Variants in WWOX observed in about 807,000 individuals in gnomAD.
WWOX encodes the protein WW domain-containing oxidoreductase.
In WWOX, 69 loss-of-function variants were observed where a neutral mutation model predicts 46.2. The ratio of observed to expected loss-of-function variants is 1.49; its 90% CI spans 1.23 to 1.82. WWOX has a LOEUF of 1.82. Ranked by LOEUF, WWOX falls within the 40% of genes most tolerant of loss-of-function variation. The pLI is 0.00. For synonymous variants in WWOX, 359 were observed against 202.6 expected (o/e 1.77, Z -6.56); for missense variants, 919 against 542.6 (o/e 1.69, Z -6.89).
chr16:78,655,997 C>G (rs943936253), intron 8 of WWOX, among the ~76,000 whole-genome samples: 2 of 152,132 alleles, frequency 1.3e-5, no homozygotes, highest in African/African-American at 2.4e-5. Context: ...AAAAGAGAAA[C>G]ACAACATTGA....
chr16:78,979,916 C>T (rs959836160), intron 8 of WWOX, among the ~76,000 whole-genome samples: 2 of 152,106 alleles, frequency 1.3e-5, no homozygotes, highest in African/African-American at 2.4e-5. Flanking sequence ...ATCACAAGGT[C>T]AGGAGATTGA....
chr16:78,408,865 C>T (rs370444399), intron 6 of WWOX, among the ~76,000 whole-genome samples: 39 of 152,074 alleles, frequency 2.6e-4, no homozygotes, highest in African/African-American at 7.7e-4. Context: ...TCTCAGTGGA[C>T]CACTCAAGGA....
intron 8 of WWOX, among the ~76,000 whole-genome samples, chr16:78,577,887 C>G (rs1327549492): frequency 6.6e-6 from 1 of 152,084 alleles, no homozygotes; most frequent in Non-Finnish European, 1.5e-5. Context: ...TTCCGTTTGA[C>G]AGAATATATT....
At chr16:79,162,498 A>G (rs115899406) in intron 8 of WWOX, among the ~76,000 whole-genome samples, 3,045 of 152,262 alleles carry the variant, frequency 0.02, 109 homozygotes, top group African/African-American at 0.07. Context: ...AGTAGGCAAC[A>G]TTGATGGTAA....
chr16:78,101,193 G>T (rs1294718217), intron 1 of WWOX, among the ~76,000 whole-genome samples: 2 of 151,114 alleles, frequency 1.3e-5, no homozygotes, highest in African/African-American at 4.9e-5. Flanking sequence ...GACTACAGGC[G>T]CCCGCCACCA....
intron 8 of WWOX, among the ~76,000 whole-genome samples, chr16:78,754,927 G>A (rs748098817): frequency 1.8e-4 from 28 of 152,044 alleles, no homozygotes; most frequent in Admixed American, 3.9e-4. Context: ...GCTGTCCCCA[G>A]GGAAGAGAAT....
chr16:78,801,083 T>C (rs192775171), intron 8 of WWOX, among the ~76,000 whole-genome samples: 1 of 151,874 alleles, frequency 6.6e-6, no homozygotes, highest in East Asian at 1.9e-4. Context: ...AGACAGAGTC[T>C]CACTCTGTTG....
intron 8 of WWOX, among the ~76,000 whole-genome samples, chr16:78,642,093 C>T (rs1269910645): frequency 2.0e-5 from 3 of 152,168 alleles, no homozygotes. Context: ...GTGTAGGAGA[C>T]TGTCTGTCCC....
intron 5 of WWOX, among the ~76,000 whole-genome samples, chr16:78,186,663 G>A (rs924031939): frequency 1.1e-4 from 17 of 152,194 alleles, no homozygotes; most frequent in Non-Finnish European, 2.2e-4. Context: ...TACTGAGGAG[G>A]CTGAGGCAGG....
At chr16:78,729,685 G>A (rs145053217) in intron 8 of WWOX, among the ~76,000 whole-genome samples, 1 of 152,128 alleles carries the variant, frequency 6.6e-6, no homozygotes, top group East Asian at 1.9e-4. Flanking sequence ...AAAAGAACAA[G>A]TTTCTGTTGT....
chr16:78,368,528 CAT>C (rs1456035313), intron 5 of WWOX, among the ~76,000 whole-genome samples: 1 of 152,152 alleles, frequency 6.6e-6, no homozygotes. Context: ...AAGCTCTTCC[CAT>C]AGAGAACATC....
intron 5 of WWOX, among the ~76,000 whole-genome samples, chr16:78,173,512 A>C (rs1451910180): frequency 6.8e-6 from 1 of 146,630 alleles, no homozygotes; most frequent in Non-Finnish European, 1.5e-5. Context: ...TGCCCAGGCT[A>C]GTCTCGAATT....
At chr16:78,647,883 G>C (rs1369774447) in intron 8 of WWOX, among the ~76,000 whole-genome samples, 1 of 152,158 alleles carries the variant, frequency 6.6e-6, no homozygotes, top group Non-Finnish European at 1.5e-5. Flanking sequence ...CTCACTCTGA[G>C]TATTTAGAGG....
chr16:78,437,531 C>G (rs1277729365), intron 8 of WWOX, among the ~76,000 whole-genome samples: 1 of 152,182 alleles, frequency 6.6e-6, no homozygotes, highest in East Asian at 1.9e-4. Context: ...AATCAATTCT[C>G]AGCACAGCGG....
intron 8 of WWOX, among the ~76,000 whole-genome samples, chr16:79,168,196 A>T (rs1480047782): frequency 6.6e-6 from 1 of 152,148 alleles, no homozygotes; most frequent in Non-Finnish European, 1.5e-5. Context: ...AAACATTTGT[A>T]TACAAGTTTC....
intron 8 of WWOX, among the ~76,000 whole-genome samples, chr16:79,155,396 G>C (rs148556039): frequency 2.0e-5 from 3 of 152,050 alleles, no homozygotes; most frequent in East Asian, 1.9e-4. Flanking sequence ...CAAAAAAGGT[G>C]GGGGGGTGGG....
chr16:78,888,662 G>A (rs147084497), intron 8 of WWOX, among the ~76,000 whole-genome samples: 7 of 152,126 alleles, frequency 4.6e-5, no homozygotes, highest in African/African-American at 1.7e-4. Context: ...GCCACTAGGA[G>A]TCTTCTGAGA....
chr16:78,654,082 C>G (rs1269296122), intron 8 of WWOX, among the ~76,000 whole-genome samples: 3 of 152,188 alleles, frequency 2.0e-5, no homozygotes, highest in Non-Finnish European at 4.4e-5. Context: ...AGCAAAATGC[C>G]TTCTCCTAAA....
In WWOX at chr16:78,424,854, A is replaced by T; in HGVS notation, c.606-16A>T. 2.5e-6 allele frequency: 4 copies of T among 1,613,896 alleles called. No homozygotes were observed. The highest frequency in any genetic ancestry group is 3.4e-6 in the Non-Finnish European group (4 of 1,179,914). ...AGTGTTTATGTCCACATCACATGGGATATTTTATTTTTCAGGCCTCTTCAT... is the reference window on the plus strand; with the variant it reads ...AGTGTTTATGTCCACATCACATGGGTTATTTTATTTTTCAGGCCTCTTCAT... On this transcript the variant is annotated splice_polypyrimidine_tract_variant and intron_variant, in intron 6 of 8. Transcript: ENST00000566780.
Sources: allele counts gnomAD v4.1 joint callset (sites outside exome capture counted in the v4.1 genomes callset), GRCh38; gene constraint gnomAD v4.1.1; transcripts MANE v1.5; gene names NCBI Gene and HGNC (gene_info 2026-07-23, HGNC 2026-07-21).